The following VWDE variants were observed in gnomAD, a reference collection of about 807,000 sequenced individuals.
The protein encoded by VWDE is von Willebrand factor D and EGF domains, also known as von Willebrand factor D and EGF domain-containing protein.
VWDE carries 207 observed loss-of-function variants against 178.4 expected under a neutral mutation model. The ratio of observed to expected loss-of-function variants is 1.16; its 90% confidence interval spans 1.04 to 1.30. The LOEUF (loss-of-function observed/expected upper bound fraction) is 1.30. VWDE is among the 50% of genes most tolerant of loss of function. The probability of loss-of-function intolerance (pLI) is 0.00; values close to 1 mark genes in which losing one functional copy is unlikely to be tolerated. For synonymous variants in VWDE, 738 were observed against 651.4 expected (o/e 1.13, Z -2.02); for missense variants, 2,287 against 1,901.3 (o/e 1.20, Z -3.77).
At chr7:12,374,565 A>T in intron 9 of VWDE, 124 bp downstream of exon 9, 2 of 625,548 alleles carry the variant, frequency 3.2e-6, no homozygotes, top group Non-Finnish European at 5.4e-6. Flanking sequence ...ACAAGCCAGT[A>T]ATGCCTTTCT....
At position 12,370,434 on chromosome 7, in the gene VWDE, G is replaced by A. The variant is rs951369688; in HGVS notation, c.1872C>T (p.Ser624=). The A allele has an allele frequency of 1.2e-5, 18 of 1,544,562 alleles. No homozygotes were observed. Among genetic ancestry groups the A allele is most frequent in the Middle Eastern group, 1.7e-4 (1 of 6,008 alleles). Residue 624 remains serine (S), a synonymous_variant, in exon 12 of 29, where the codon AGC becomes AGT. Transcript: ENST00000275358. ...GATACGCTGCAGTGTCCAATGAACAGCTACAATAGGATGGCTTTCCAGGTG... is the reference window on the plus strand; with the variant it reads ...GATACGCTGCAGTGTCCAATGAACAACTACAATAGGATGGCTTTCCAGGTG... The part of the protein sequence containing the change: ...MTSPGKPSYC[S]CSLDTAAYPS...
Position 12,383,610 on chromosome 7 carries a change from G to C in VWDE, c.476-9C>G. The C allele has an allele frequency of 1.3e-6, 2 of 1,549,326 alleles. No homozygotes were observed. Among genetic ancestry groups the C allele is most frequent in the Non-Finnish European group, 1.7e-6 (2 of 1,145,218 alleles). On this transcript the variant is annotated splice_polypyrimidine_tract_variant and intron_variant, in intron 3 of 28. Coordinates refer to ENST00000275358, the MANE Select transcript of VWDE (RefSeq NM_001135924.3). Reference sequence around the variant, plus strand: ...TCGTGCATCAGAAATAGCTGCCAAGGGTTAAGGTTTGTATAATTATTCAGC... The same window carrying C: ...TCGTGCATCAGAAATAGCTGCCAAGCGTTAAGGTTTGTATAATTATTCAGC...
At chr7:12,398,086 C>T (rs1562524692) in intron 1 of VWDE, among the ~76,000 whole-genome samples, 1 of 152,060 alleles carries the variant, frequency 6.6e-6, no homozygotes, top group Admixed American at 6.5e-5. Context: ...ATGAATTATT[C>T]TACCAAAAAC....
At chr7:12,383,751 T>C (rs539072241) in intron 3 of VWDE, 150 bp from the exon 4 acceptor site, 1 of 644,564 alleles carries the variant, frequency 1.6e-6, no homozygotes, top group Admixed American at 3.2e-5. Context: ...TTTTTCCTTT[T>C]AAGGGTGAGA....
intron 22 of VWDE, 29 bp downstream of exon 22, chr7:12,343,054 A>T: frequency 6.7e-7 from 1 of 1,502,616 alleles, no homozygotes; most frequent in African/African-American, 1.4e-5. Context: ...CAGTTTCATT[A>T]TATCAGACAT....
chr7:12,333,226 T>C (rs7780547), intron 28 of VWDE, among the ~76,000 whole-genome samples: 98,912 of 152,002 alleles, frequency 0.65, 33,138 homozygotes, highest in African/African-American at 0.83. Context: ...TGTCATGAAA[T>C]ACTGCGTTAC....
chr7:12,358,026 T>C (rs1389833624), intron 16 of VWDE, among the ~76,000 whole-genome samples: 3 of 152,180 alleles, frequency 2.0e-5, no homozygotes, highest in Non-Finnish European at 4.4e-5. Context: ...CCATTAGTCA[T>C]ACTCATCTTC....
intron 11 of VWDE, 38 bp downstream of exon 11, chr7:12,370,618 A>G (rs1783131620): frequency 6.5e-7 from 1 of 1,544,038 alleles, no homozygotes; most frequent in South Asian, 1.2e-5. Context: ...TTTAAGTCTA[A>G]TATTAATATA....
chr7:12,359,482 T>A (rs1782451366), intron 16 of VWDE, 96 bp downstream of exon 16: 2 of 726,630 alleles, frequency 2.8e-6, no homozygotes. Context: ...AACACAGAGG[T>A]CATTCATCTT....
At position 12,401,418 on chromosome 7, in the gene VWDE, T is replaced by A. The variant is rs151178818; in HGVS notation, c.58+2241A>T. Among the ~76,000 whole-genome samples the A allele has an allele frequency of 2.4e-3, 361 of 152,134 alleles. 2 individuals are homozygous for A. The highest frequency in any genetic ancestry group is 0.011 in the East Asian group (57 of 5,176). ...TCACATATCCAATAAGAAAATTATA[T>A]CTGGAATATGCAAATAACTTATACA... On this transcript the variant is annotated intron_variant, in intron 1 of 28. Coordinates refer to ENST00000275358, the MANE Select transcript of VWDE (RefSeq NM_001135924.3).
intron 19 of VWDE, among the ~76,000 whole-genome samples, chr7:12,350,499 A>G (rs539604690): frequency 8.5e-5 from 13 of 152,140 alleles, no homozygotes; most frequent in African/African-American, 3.1e-4. Flanking sequence ...AAATTCATCA[A>G]TTGGATAAAT....
At chr7:12,344,080 GA>G in intron 21 of VWDE, 114 bp downstream of exon 21, 1 of 700,514 alleles carries the variant, frequency 1.4e-6, no homozygotes, top group Middle Eastern at 3.6e-4. Context: ...TACCAGCTTT[GA>G]TAAGAATATT....
chr7:12,365,070 C>T (rs371010528), intron 13 of VWDE, among the ~76,000 whole-genome samples: 1 of 151,970 alleles, frequency 6.6e-6, no homozygotes, highest in African/African-American at 2.4e-5. Flanking sequence ...AGATGGAGCA[C>T]CGTCACAATA....
chr7:12,370,378 C>G lies in VWDE; in HGVS notation c.1928G>C (p.Arg643Pro), dbSNP rs772813104. Residue 643 changes from arginine to proline, a missense_variant, in exon 12 of 29, where the codon CGA becomes CCA. Transcript: ENST00000275358. The part of the protein sequence containing the change: ...PSSEDLDSVS[R>P]SEIALGCKDL... ...TTTGCAACCCAAGGCAATTTCTGAT[C>G]GAGAAACACTGTCCAGATCTTCGGA... is the stretch of plus-strand genomic sequence containing the variant. 3.2e-6 allele frequency: 5 copies of G among 1,550,552 alleles called. No individual in the cohort carries two copies. The highest frequency in any genetic ancestry group is 4.4e-6 in the Non-Finnish European group (5 of 1,146,804).
Position 12,389,301 on chromosome 7 carries a change from G to C in VWDE, c.301C>G (p.Leu101Val). The change falls in exon 3 of 29, where the codon CTG becomes GTG. Residue 101 changes from leucine (L) to valine (V), a missense_variant. Coordinates refer to ENST00000275358, the MANE Select transcript of VWDE (RefSeq NM_001135924.3). ...IWLSLRDSET[L>V]PSPGEIKQLT... Reference sequence around the variant, plus strand: ...TGCTTGATCTCCCCAGGAGATGGCAGTGTTTCTGAATCTCTCAGAGACAGC... The same window carrying C: ...TGCTTGATCTCCCCAGGAGATGGCACTGTTTCTGAATCTCTCAGAGACAGC... 3 of 1,551,554 alleles carry C rather than the reference G, an allele frequency of 1.9e-6. No homozygotes were observed. Among genetic ancestry groups the C allele is most frequent in the South Asian group, 1.2e-5 (1 of 84,056 alleles).
chr7:12,403,512 A>C (rs1032115635), intron 1 of VWDE, 147 bp downstream of exon 1: 1 of 689,082 alleles, frequency 1.5e-6, no homozygotes, highest in East Asian at 2.9e-5. Context: ...AGAGGGACAG[A>C]GAGGAGGCGG....
chr7:12,380,343 T>C lies in VWDE; in HGVS notation c.789+143A>G, dbSNP rs141779803. ...CCAGTTATCACGAGAATTAGCACAATTGCAAGGAAAAAAAAACAAAAAGAA... is the reference window on the plus strand; with the variant it reads ...CCAGTTATCACGAGAATTAGCACAACTGCAAGGAAAAAAAAACAAAAAGAA... On this transcript the variant is annotated intron_variant, in intron 5 of 28. Transcript: ENST00000275358. 1,753 of 1,079,168 alleles carry C rather than the reference T, an allele frequency of 1.6e-3. 17 individuals are homozygous for C. In the African/African-American group the frequency reaches 0.024, roughly 15 times the overall value. 66.8% of individuals were successfully genotyped at this position (1,079,168 alleles called of 1,614,324 possible). A position where few individuals can be genotyped will look rare whatever the true frequency, so the allele number is the denominator to read the frequency against.
At chr7:12,394,049 C>A (rs1000279197) in intron 1 of VWDE, among the ~76,000 whole-genome samples, 1 of 152,070 alleles carries the variant, frequency 6.6e-6, no homozygotes, top group Admixed American at 6.6e-5. Context: ...TCATTTAATT[C>A]GAACAACCAA....
chr7:12,340,166 T>C (rs1295775282), intron 24 of VWDE, among the ~76,000 whole-genome samples, 156 bp downstream of exon 24: 1 of 152,218 alleles, frequency 6.6e-6, no homozygotes, highest in East Asian at 1.9e-4. Flanking sequence ...TATATTTTTG[T>C]AAGCTAGTAA....
Sources: allele counts gnomAD v4.1 joint callset (sites outside exome capture counted in the v4.1 genomes callset), GRCh38; gene constraint gnomAD v4.1.1; transcripts MANE v1.5; gene names NCBI Gene and HGNC (gene_info 2026-07-23, HGNC 2026-07-21).